Variants in UBE4B observed in about 807,000 individuals in gnomAD.
The protein encoded by UBE4B is ubiquitin conjugation factor E4 B.
A neutral mutation model predicts 148.1 loss-of-function variants in UBE4B; 27 were observed. The ratio of observed to expected loss-of-function variants is 0.18; its 90% CI spans 0.13 to 0.25. The LOEUF (loss-of-function observed/expected upper bound fraction) is 0.25, where lower values mean the gene tolerates loss of function less well. Among genes scored for constraint, UBE4B ranks in the 10% least tolerant of loss-of-function variants. The pLI, the probability that UBE4B is intolerant of heterozygous loss-of-function variation, is 1.00. For missense variants in UBE4B, 1,170 were observed against 1,662.4 expected (o/e 0.70, Z 5.15); for synonymous variants, 596 against 619.3 (o/e 0.96, Z 0.56).
rs76682086 is a variant in UBE4B at position 10,133,133 on chromosome 1, C to T, written c.2025+651C>T. ...GGCAGCTGCAAGGGCGTGAGTGCTT[C>T]GGTCCGGGTGAGACAGGCCAGTGGC... On this transcript the variant is annotated intron_variant, in intron 15 of 27. Coordinates refer to ENST00000343090, the MANE Select transcript of UBE4B (RefSeq NM_001105562.3). 9.5e-3 allele frequency among the ~76,000 whole-genome samples: 1,442 copies of T among 152,276 alleles called. 25 individuals are homozygous for T. Among genetic ancestry groups the T allele is most frequent in the African/African-American group, 0.033 (1,373 of 41,542 alleles).
chr1:10,037,541 A>T (rs1643586732), intron 1 of UBE4B, among the ~76,000 whole-genome samples: 2 of 152,094 alleles, frequency 1.3e-5, no homozygotes, highest in Non-Finnish European at 2.9e-5. Flanking sequence ...TCGTATCTCA[A>T]GGTGGTGCTG....
In UBE4B at chr1:10,171,301, G is replaced by A. The variant is rs1435267736; in HGVS notation, c.3497G>A (p.Arg1166Gln). The change falls in exon 25 of 28, where the codon CGG becomes CAG. Residue 1166 changes from arginine to glutamine, a missense_variant. This residue lies in a region of UBE4B where 348 missense variants were observed against 627.2 expected (regional missense o/e 0.55). Coordinates refer to ENST00000343090, the MANE Select transcript of UBE4B (RefSeq NM_001105562.3). ...ATTTACTTACAGCTGGACTGTGCTC[G>A]GTTCGCGAAAGCCATTGCTGACGAC... ...TDIYLQLDCARFAKAIADDQR... is the reference protein window; with the variant it reads ...TDIYLQLDCAQFAKAIADDQR... 3.1e-6 allele frequency: 5 copies of A among 1,613,806 alleles called. No homozygotes were observed. Among genetic ancestry groups the A allele is most frequent in the Admixed American group, 1.7e-5 (1 of 59,940 alleles).
chr1:10,111,461 G>A (rs1186097066), intron 7 of UBE4B, among the ~76,000 whole-genome samples: 1 of 152,082 alleles, frequency 6.6e-6, no homozygotes, highest in Non-Finnish European at 1.5e-5. Flanking sequence ...CTATCAGAGG[G>A]TGGCCACTGA....
intron 1 of UBE4B, among the ~76,000 whole-genome samples, chr1:10,040,298 C>T (rs758800216): frequency 5.3e-5 from 8 of 151,846 alleles, no homozygotes; most frequent in Non-Finnish European, 1.2e-4. Flanking sequence ...TTAGTAGAGA[C>T]GGTGTTTCAC....
At chr1:10,114,616 C>G (rs1345722701) in intron 7 of UBE4B, among the ~76,000 whole-genome samples, 1 of 152,136 alleles carries the variant, frequency 6.6e-6, no homozygotes, top group Non-Finnish European at 1.5e-5. Context: ...GTAATCCCAG[C>G]ACTTTGTGAG....
At chr1:10,173,436 C>G (rs1026992511) in intron 25 of UBE4B, among the ~76,000 whole-genome samples, 1 of 149,706 alleles carries the variant, frequency 6.7e-6, no homozygotes, top group African/African-American at 2.5e-5. Context: ...GAGCGGAGAT[C>G]GAGCCACTGC....
At chr1:10,096,512 A>G (rs1644930504) in intron 3 of UBE4B, among the ~76,000 whole-genome samples, 1 of 152,048 alleles carries the variant, frequency 6.6e-6, no homozygotes, top group Non-Finnish European at 1.5e-5. Flanking sequence ...CAGGTGGATC[A>G]CTTGAGGTCA....
rs571437800 is a variant in UBE4B, at chr1:10,141,245, A to G, written c.2364-3695A>G. Among the ~76,000 whole-genome samples, 8 of 152,266 alleles carry G rather than the reference A, an allele frequency of 5.3e-5. No individual in the cohort carries two copies. In the South Asian group the frequency reaches 1.0e-3, roughly 20 times the overall value. The stretch of plus-strand genomic sequence containing the variant: ...ATTAAAGGGACTTTGCAGCTGTGAT[A>G]TCAGGTTCATGATCTTGAGGTGGGG... On this transcript the variant is annotated intron_variant, in intron 17 of 27. Coordinates refer to ENST00000343090, the MANE Select transcript of UBE4B (RefSeq NM_001105562.3).
chr1:10,102,850 C>T (rs541949386), intron 4 of UBE4B, 98 bp from the exon 5 acceptor site: 3 of 1,271,864 alleles, frequency 2.4e-6, no homozygotes, highest in Admixed American at 4.8e-5. Flanking sequence ...AAAATATCAT[C>T]ACTAATAATG....
intron 1 of UBE4B, among the ~76,000 whole-genome samples, chr1:10,055,740 T>C (rs957784252): frequency 1.3e-5 from 2 of 152,068 alleles, no homozygotes; most frequent in Non-Finnish European, 2.9e-5. Flanking sequence ...GTCAACATGG[T>C]GAAACCCTGT....
intron 10 of UBE4B, among the ~76,000 whole-genome samples, chr1:10,122,802 G>C (rs997173843): frequency 2.6e-5 from 4 of 152,194 alleles, no homozygotes; most frequent in African/African-American, 9.7e-5. Context: ...ACAGTTTGCT[G>C]TATCATCACT....
intron 22 of UBE4B, among the ~76,000 whole-genome samples, chr1:10,159,685 A>C (rs1646130039): frequency 7.3e-6 from 1 of 137,536 alleles, no homozygotes; most frequent in Non-Finnish European, 1.5e-5. Flanking sequence ...ACTCCGTCTC[A>C]AATAAATAAA....
intron 25 of UBE4B, among the ~76,000 whole-genome samples, chr1:10,176,070 G>A (rs376117326): frequency 2.0e-4 from 30 of 152,176 alleles, no homozygotes; most frequent in East Asian, 5.8e-4. Context: ...TCACCTCTCC[G>A]GGATATTTCA....
chr1:10,123,518 C>T (rs1338785635), intron 10 of UBE4B, among the ~76,000 whole-genome samples: 5 of 148,946 alleles, frequency 3.4e-5, no homozygotes, highest in African/African-American at 1.2e-4. Context: ...AATTAGAATA[C>T]TTTTCCTATT....
chr1:10,130,391 A>T (rs1360673270), intron 12 of UBE4B, 109 bp from the exon 13 acceptor site: 1 of 995,408 alleles, frequency 1.0e-6, no homozygotes, highest in Admixed American at 2.0e-5. Flanking sequence ...GAAACATAAA[A>T]GTTTTAATAA....
intron 2 of UBE4B, among the ~76,000 whole-genome samples, chr1:10,085,868 C>A (rs982344834): frequency 2.6e-5 from 4 of 152,152 alleles, no homozygotes; most frequent in African/African-American, 4.8e-5. Context: ...TGCCTCACTG[C>A]AACGTCTGCC....
At chr1:10,147,748 C>A (rs1645898283) in intron 19 of UBE4B, among the ~76,000 whole-genome samples, 1 of 152,038 alleles carries the variant, frequency 6.6e-6, no homozygotes, top group South Asian at 2.1e-4. Context: ...CCAGGAATAC[C>A]CACCTAATTC....
chr1:10,155,881 G>A (rs562899018), intron 21 of UBE4B, among the ~76,000 whole-genome samples: 10 of 152,218 alleles, frequency 6.6e-5, no homozygotes, highest in African/African-American at 2.2e-4. Flanking sequence ...AAGATTATCC[G>A]GGTGTGGTGG....
intron 7 of UBE4B, chr1:10,107,170 G>C (rs72861450): frequency 0.03 from 39,217 of 1,287,742 alleles, 743 homozygotes; most frequent in African/African-American, 0.075. Context: ...GCTTCTCCCC[G>C]TCTTGTTTTT....
Sources: allele counts gnomAD v4.1 joint callset (sites outside exome capture counted in the v4.1 genomes callset), GRCh38; gene constraint gnomAD v4.1.1; regional missense constraint gnomAD v4.1.1; transcripts MANE v1.5; gene names NCBI Gene and HGNC (gene_info 2026-07-23, HGNC 2026-07-21).